Variants in AFG2A observed in about 807,000 individuals in gnomAD.
AFG2A encodes AAA ATPase AFG2A, also known as ATPase family gene 2 protein homolog A.
chr4:123,016,869 C>T, the AFG2A span, among the ~76,000 whole-genome samples: 7 of 152,310 alleles, frequency 4.6e-5, no homozygotes, highest in East Asian at 3.9e-4. Flanking sequence ...TCTGCAATCC[C>T]GGCACCTCGG....
the AFG2A span, among the ~76,000 whole-genome samples, chr4:123,109,176 C>G: frequency 2.0e-4 from 30 of 152,136 alleles, no homozygotes; most frequent in Middle Eastern, 3.4e-3. Context: ...TTTATCTTTG[C>G]TTGTTAGACA....
At chr4:123,028,467 T>G in the AFG2A span, 10 of 1,274,492 alleles carry the variant, frequency 7.8e-6, no homozygotes, top group East Asian at 1.6e-4. Flanking sequence ...ACTCCTACCT[T>G]TAGGAGAACG....
At chr4:122,978,667 T>C in the AFG2A span, among the ~76,000 whole-genome samples, 781 of 152,292 alleles carry the variant, frequency 5.1e-3, 10 homozygotes, top group Non-Finnish European at 7.8e-3. Flanking sequence ...GTGCTGGGGC[T>C]GTTCATGCTG....
the AFG2A span, among the ~76,000 whole-genome samples, chr4:123,003,955 C>G: frequency 6.6e-6 from 1 of 152,192 alleles, no homozygotes. Context: ...CTGTGGTGGG[C>G]TCCACCCAGT....
chr4:122,943,822 G>A, the AFG2A span, among the ~76,000 whole-genome samples: 5 of 152,114 alleles, frequency 3.3e-5, no homozygotes, highest in Non-Finnish European at 5.9e-5. Context: ...CTCTTTTAGG[G>A]CAGGCCTGGT....
the AFG2A span, among the ~76,000 whole-genome samples, chr4:123,083,797 C>T: frequency 1.3e-5 from 2 of 151,490 alleles, no homozygotes; most frequent in Admixed American, 6.6e-5. Context: ...GTGATATGTT[C>T]GTTTGGTTTT....
At chr4:123,206,997 A>G in the AFG2A span, among the ~76,000 whole-genome samples, 1 of 152,200 alleles carries the variant, frequency 6.6e-6, no homozygotes, top group Admixed American at 6.5e-5. Flanking sequence ...TGTACTCACA[A>G]GAATGTCTAC....
At chr4:123,027,970 T>TA in the AFG2A span, among the ~76,000 whole-genome samples, 1 of 151,094 alleles carries the variant, frequency 6.6e-6, no homozygotes, top group East Asian at 1.9e-4. Flanking sequence ...CAAGCAGAAT[T>TA]TTTTTTTTTT....
At chr4:123,095,925 T>C in the AFG2A span, among the ~76,000 whole-genome samples, 1 of 152,172 alleles carries the variant, frequency 6.6e-6, no homozygotes, top group East Asian at 1.9e-4. Context: ...GATATCATTA[T>C]GTTACCCATG....
the AFG2A span, among the ~76,000 whole-genome samples, chr4:123,193,910 C>A: frequency 6.6e-6 from 1 of 152,094 alleles, no homozygotes; most frequent in Admixed American, 6.5e-5. Flanking sequence ...ATTTTTAAGA[C>A]AAGAGGGCTT....
the AFG2A span, among the ~76,000 whole-genome samples, chr4:123,057,537 A>G: frequency 3.2e-4 from 49 of 152,288 alleles, no homozygotes; most frequent in African/African-American, 1.1e-3. Context: ...GTTAATTTTT[A>G]TAGTTTATAT....
the AFG2A span, chr4:122,947,120 AG>A: frequency 1.0e-6 from 1 of 963,048 alleles, no homozygotes; most frequent in Non-Finnish European, 1.4e-6. Context: ...AATAGGACTT[AG>A]TAGCCTGGAC....
the AFG2A span, among the ~76,000 whole-genome samples, chr4:123,172,871 CATT>C: frequency 1.3e-5 from 2 of 152,066 alleles, no homozygotes; most frequent in Non-Finnish European, 2.9e-5. Flanking sequence ...ATTTGGGACT[CATT>C]ATGAAGTCTA....
At chr4:122,953,325 G>A in the AFG2A span, among the ~76,000 whole-genome samples, 1 of 152,166 alleles carries the variant, frequency 6.6e-6, no homozygotes, top group Non-Finnish European at 1.5e-5. Flanking sequence ...GTAATACTCA[G>A]ACAGTTCAAC....
At chr4:123,266,834 G>A in the AFG2A span, among the ~76,000 whole-genome samples, 2 of 151,494 alleles carry the variant, frequency 1.3e-5, no homozygotes. Flanking sequence ...TACATGTCTT[G>A]TTAATTAAAA....
chr4:123,224,244 G>A, the AFG2A span, among the ~76,000 whole-genome samples: 2 of 151,240 alleles, frequency 1.3e-5, no homozygotes, highest in African/African-American at 2.4e-5. Context: ...AAGTTTTAGG[G>A]CACATGTGCA....
chr4:123,173,955 A>T, the AFG2A span, among the ~76,000 whole-genome samples: 1 of 152,278 alleles, frequency 6.6e-6, no homozygotes, highest in Admixed American at 6.5e-5. Context: ...TTCTTGATAT[A>T]GATCTGACTA....
chr4:123,044,719 T>G, the AFG2A span, among the ~76,000 whole-genome samples: 2 of 152,108 alleles, frequency 1.3e-5, no homozygotes, highest in Admixed American at 6.5e-5. Context: ...CCTCATATAT[T>G]AAACCTCTTA....
At chr4:123,136,555 T>C in the AFG2A span, among the ~76,000 whole-genome samples, 2 of 151,554 alleles carry the variant, frequency 1.3e-5, no homozygotes, top group African/African-American at 4.8e-5. Flanking sequence ...GCGCCTGTAG[T>C]CCCAGCTACC....
Sources: allele counts gnomAD v4.1 joint callset (sites outside exome capture counted in the v4.1 genomes callset), GRCh38; gene constraint gnomAD v4.1.1; transcripts MANE v1.5; gene names NCBI Gene and HGNC (gene_info 2026-07-23, HGNC 2026-07-21).